The following ADGRB3 variants were observed in gnomAD, a reference collection of about 807,000 sequenced individuals.
ADGRB3 encodes the protein brain-specific angiogenesis inhibitor 3.
Under a neutral mutation model 193.4 loss-of-function variants are expected in ADGRB3, and 37 were observed. That is an observed-to-expected ratio of 0.19 (90% CI 0.15 to 0.25). ADGRB3 has a LOEUF of 0.25. Among genes scored for constraint, ADGRB3 ranks in the 10% least tolerant of loss-of-function variants. ADGRB3 has a pLI of 1.00. For missense variants in ADGRB3, 1,637 were observed against 1,852.9 expected (o/e 0.88, Z 2.14); for synonymous variants, 690 against 644.2 (o/e 1.07, Z -1.08).
intron 17 of ADGRB3, among the ~76,000 whole-genome samples, chr6:69,222,706 C>T (rs1765921471): frequency 6.6e-6 from 1 of 152,078 alleles, no homozygotes; most frequent in African/African-American, 2.4e-5. Flanking sequence ...GCCATTATTT[C>T]AAATTTTGAT....
intron 3 of ADGRB3, among the ~76,000 whole-genome samples, chr6:68,832,605 A>T (rs1767976581): frequency 6.6e-6 from 1 of 151,976 alleles, no homozygotes; most frequent in Non-Finnish European, 1.5e-5. Context: ...TTTTTATCTA[A>T]TTTTTTCATT....
chr6:68,749,414 G>A (rs957196285), intron 3 of ADGRB3, among the ~76,000 whole-genome samples: 28 of 135,670 alleles, frequency 2.1e-4, no homozygotes, highest in African/African-American at 7.4e-4. Flanking sequence ...ATATATGTGT[G>A]TGTGTGTGTG....
At chr6:68,984,561 A>G (rs1160167220) in intron 10 of ADGRB3, among the ~76,000 whole-genome samples, 2 of 152,194 alleles carry the variant, frequency 1.3e-5, no homozygotes, top group African/African-American at 4.8e-5. Flanking sequence ...TTGATAATGA[A>G]TGAGAGCAGA....
At chr6:69,329,029 A>C (rs1235176361) in intron 22 of ADGRB3, among the ~76,000 whole-genome samples, 1 of 151,964 alleles carries the variant, frequency 6.6e-6, no homozygotes, top group Admixed American at 6.6e-5. Context: ...AACAGTGTAA[A>C]CCCCTAGGGA....
intron 3 of ADGRB3, among the ~76,000 whole-genome samples, chr6:68,901,320 C>T (rs1766388175): frequency 6.6e-6 from 1 of 152,106 alleles, no homozygotes; most frequent in Non-Finnish European, 1.5e-5. Context: ...CAACATGGGC[C>T]TCTCCATAGT....
chr6:69,330,804 T>C (rs1768705992), intron 23 of ADGRB3, among the ~76,000 whole-genome samples: 1 of 152,158 alleles, frequency 6.6e-6, no homozygotes, highest in African/African-American at 2.4e-5. Context: ...TCTCTTACAG[T>C]AATTTCAGAT....
chr6:69,188,519 G>T (rs903966091), intron 17 of ADGRB3, among the ~76,000 whole-genome samples: 2 of 152,124 alleles, frequency 1.3e-5, no homozygotes, highest in Non-Finnish European at 2.9e-5. Flanking sequence ...ATGTTGGTCA[G>T]GCTGGTCGTG....
At chr6:69,092,717 AAC>A (rs1772749547) in intron 17 of ADGRB3, among the ~76,000 whole-genome samples, 1 of 152,192 alleles carries the variant, frequency 6.6e-6, no homozygotes, top group African/African-American at 2.4e-5. Flanking sequence ...TAGAAGGCAG[AAC>A]CAATCAGACT....
intron 3 of ADGRB3, among the ~76,000 whole-genome samples, chr6:68,923,143 G>T (rs1487340660): frequency 2.0e-5 from 3 of 151,982 alleles, no homozygotes; most frequent in Admixed American, 6.6e-5. Flanking sequence ...GTGTATAAAA[G>T]ATACTATTTT....
intron 13 of ADGRB3, among the ~76,000 whole-genome samples, chr6:69,044,811 C>T (rs532626864): frequency 1.5e-4 from 23 of 152,156 alleles, no homozygotes; most frequent in African/African-American, 3.9e-4. Flanking sequence ...TCAAGATGTG[C>T]GTATTTGTTC....
chr6:68,858,923 G>A (rs1765070817), intron 3 of ADGRB3, among the ~76,000 whole-genome samples: 1 of 152,166 alleles, frequency 6.6e-6, no homozygotes, highest in South Asian at 2.1e-4. Context: ...TTTCCTCATT[G>A]TTTTGGAGAT....
At chr6:68,979,421 A>G (rs765588837) in intron 10 of ADGRB3, among the ~76,000 whole-genome samples, 1 of 151,494 alleles carries the variant, frequency 6.6e-6, no homozygotes, top group Non-Finnish European at 1.5e-5. Context: ...AACAATTTCA[A>G]TTAGTTAATA....
chr6:68,777,292 G>A (rs564989224), intron 3 of ADGRB3, among the ~76,000 whole-genome samples: 30 of 152,192 alleles, frequency 2.0e-4, no homozygotes, highest in Admixed American at 1.8e-3. Context: ...GCACTATGAT[G>A]CAATTAGCAA....
chr6:69,185,094 C>T (rs941787628), intron 17 of ADGRB3, among the ~76,000 whole-genome samples: 15 of 152,116 alleles, frequency 9.9e-5, no homozygotes, highest in Admixed American at 9.8e-4. Context: ...TAGGATTAGC[C>T]TTCAAATTGC....
intron 13 of ADGRB3, among the ~76,000 whole-genome samples, chr6:69,031,244 T>A (rs1010040333): frequency 6.6e-6 from 1 of 151,120 alleles, no homozygotes; most frequent in African/African-American, 2.4e-5. Flanking sequence ...ATCGAGACCA[T>A]CCTGGCTAAC....
At chr6:68,980,794 A>G (rs946659096) in intron 10 of ADGRB3, among the ~76,000 whole-genome samples, 8 of 151,342 alleles carry the variant, frequency 5.3e-5, no homozygotes, top group African/African-American at 1.7e-4. Context: ...CTGTTCTGCA[A>G]ATTCTATGTA....
intron 3 of ADGRB3, among the ~76,000 whole-genome samples, chr6:68,818,946 T>TAA (rs16669): frequency 0.75 from 114,011 of 151,838 alleles, 43,292 homozygotes; most frequent in African/African-American, 0.85. Context: ...TTTCACTGTG[T>TAA]AACATTTGAA....
chr6:69,315,877 T>G (rs1411274472), intron 20 of ADGRB3, among the ~76,000 whole-genome samples: 1 of 151,446 alleles, frequency 6.6e-6, no homozygotes, highest in Non-Finnish European at 1.5e-5. Context: ...TAATTGCAAA[T>G]AATTATTGAT....
At chr6:69,218,867 A>G (rs1314865000) in intron 17 of ADGRB3, among the ~76,000 whole-genome samples, 1 of 152,148 alleles carries the variant, frequency 6.6e-6, no homozygotes, top group Non-Finnish European at 1.5e-5. Flanking sequence ...TTCATGGAAT[A>G]TCATCACTTT....
Sources: allele counts gnomAD v4.1 joint callset (sites outside exome capture counted in the v4.1 genomes callset), GRCh38; gene constraint gnomAD v4.1.1; transcripts MANE v1.5; gene names NCBI Gene and HGNC (gene_info 2026-07-23, HGNC 2026-07-21).